NEMP2: variants seen among roughly 807,000 people sequenced by gnomAD.
NEMP2 encodes UPF0571 transmembrane protein.
In NEMP2, 53 loss-of-function variants were observed where a neutral mutation model predicts 54.2. The ratio of observed to expected loss-of-function variants is 0.98; its 90% CI spans 0.78 to 1.23. The LOEUF is 1.23. NEMP2 is among the 50% of genes most tolerant of loss of function. The pLI, the probability that NEMP2 is intolerant of heterozygous loss-of-function variation, is 0.00. For synonymous variants in NEMP2, 197 were observed against 190.3 expected, an observed-to-expected ratio of 1.04 and a Z score of -0.29; for missense variants, 455 against 511.3, an observed-to-expected ratio of 0.89 and a Z score of 1.06.
At chr2:190,473,584 G>T in the NEMP2 span, among the ~76,000 whole-genome samples, 1 of 152,154 alleles carries the variant, frequency 6.6e-6, no homozygotes, top group Non-Finnish European at 1.5e-5. Context: ...AGTCCTTAGA[G>T]ACCTACAAAG....
At chr2:190,553,344 TCCA>T in the NEMP2 span, 1 of 152,192 alleles carries the variant, frequency 6.6e-6, no homozygotes, top group Non-Finnish European at 1.5e-5. Flanking sequence ...TGTTCACTTT[TCCA>T]CCAAGGGCTC....
chr2:190,572,902 A>C, the NEMP2 span, among the ~76,000 whole-genome samples: 1 of 119,638 alleles, frequency 8.4e-6, no homozygotes, highest in African/African-American at 3.1e-5. Flanking sequence ...TTTGGGAATA[A>C]TTCCCTTAGG....
At chr2:190,605,510 G>T in the NEMP2 span, among the ~76,000 whole-genome samples, 1 of 152,012 alleles carries the variant, frequency 6.6e-6, no homozygotes, top group Non-Finnish European at 1.5e-5. Context: ...GAGTAGCTGG[G>T]ACTACAGGCC....
the NEMP2 span, among the ~76,000 whole-genome samples, chr2:190,596,434 T>TA: frequency 6.6e-6 from 1 of 152,174 alleles, no homozygotes; most frequent in African/African-American, 2.4e-5. The surrounding 1 kb of genome is among the most constrained non-coding windows in gnomAD (Gnocchi z 5.1). Flanking sequence ...CACCACCACT[T>TA]ACATATTTTA....
At chr2:190,627,769 T>C in the NEMP2 span, 1 of 152,262 alleles carries the variant, frequency 6.6e-6, no homozygotes, top group Non-Finnish European at 1.5e-5. This position sits in a 1 kb window ranked among gnomAD's most constrained non-coding sequence, Gnocchi z 4.4. Flanking sequence ...GAATTTCTTA[T>C]AGAATGCATA....
chr2:190,609,860 C>T, the NEMP2 span: 10 of 152,202 alleles, frequency 6.6e-5, no homozygotes, highest in Admixed American at 5.9e-4. The surrounding 1 kb of genome is among the most constrained non-coding windows in gnomAD (Gnocchi z 4.7). Context: ...TTTGTTCCCT[C>T]TATTGGCTCT....
the NEMP2 span, among the ~76,000 whole-genome samples, chr2:190,566,404 A>G: frequency 6.6e-6 from 1 of 152,030 alleles, no homozygotes; most frequent in Non-Finnish European, 1.5e-5. Context: ...GGATCACTTG[A>G]GCCCAGGAGT....
the NEMP2 span, chr2:190,490,018 A>G: frequency 3.3e-6 from 2 of 602,928 alleles, no homozygotes; most frequent in Non-Finnish European, 2.8e-6. The surrounding 1 kb of genome is among the most constrained non-coding windows in gnomAD (Gnocchi z 4.5). Context: ...CATGTGGACT[A>G]TTGTTAAAGA....
rs1381035396 is a variant in NEMP2 at position 190,528,402 on chromosome 2, T to C, written c.98-3024A>G. On this transcript the variant is annotated intron_variant, in intron 1 of 8. Coordinates refer to ENST00000409150, the MANE Select transcript of NEMP2 (RefSeq NM_001142645.2). The surrounding 1 kb of genome is among the most constrained non-coding windows in gnomAD (Gnocchi z 4.3). ...TGCACAGCCTCCTCGGGGGGGTCTC[T>C]AAGCATGGCTAGAGTTAATAACTTT... Among the ~76,000 whole-genome samples, 1 of 152,100 alleles carries C rather than the reference T, an allele frequency of 6.6e-6. No homozygotes were observed. The highest frequency in any genetic ancestry group is 1.5e-5 in the Non-Finnish European group (1 of 68,018).
the NEMP2 span, among the ~76,000 whole-genome samples, chr2:190,643,278 G>A: frequency 6.6e-6 from 1 of 152,192 alleles, no homozygotes; most frequent in Non-Finnish European, 1.5e-5. Context: ...CCAAAGAGAA[G>A]TGGAATGGGA....
the NEMP2 span, among the ~76,000 whole-genome samples, chr2:190,472,137 G>C: frequency 6.6e-6 from 1 of 152,026 alleles, no homozygotes; most frequent in African/African-American, 2.4e-5. Context: ...ACAAAGATGG[G>C]GAAAAAACAG....
chr2:190,509,002 G>T lies in NEMP2; in HGVS notation c.*187C>A. On this transcript the variant is annotated 3_prime_UTR_variant, in exon 9 of 9. Coordinates refer to ENST00000409150, the MANE Select transcript of NEMP2 (RefSeq NM_001142645.2). The surrounding 1 kb of genome is among the most constrained non-coding windows in gnomAD (Gnocchi z 6.1). Reference sequence around the variant, plus strand: ...GTATCCACCTACAGTACAATAAGTAGCAGAAGTCACCAAGAATGCTAAGTT... The same window carrying T: ...GTATCCACCTACAGTACAATAAGTATCAGAAGTCACCAAGAATGCTAAGTT... 3 of 823,598 alleles carry T rather than the reference G, an allele frequency of 3.6e-6. No individual in the cohort carries two copies. Among genetic ancestry groups the T allele is most frequent in the Non-Finnish European group, 5.5e-6 (3 of 547,460 alleles). 51.0% of individuals were successfully genotyped at this position (823,598 alleles called of 1,614,324 possible). A position where few individuals can be genotyped will look rare whatever the true frequency, so the allele number is the denominator to read the frequency against.
the NEMP2 span, among the ~76,000 whole-genome samples, chr2:190,471,870 C>CTGATAACTCAGA: frequency 6.6e-6 from 1 of 152,162 alleles, no homozygotes; most frequent in East Asian, 1.9e-4. This position sits in a 1 kb window ranked among gnomAD's most constrained non-coding sequence, Gnocchi z 4.7. Context: ...CTCATACGGC[C>CTGATAACTCAGA]GGGTACCCCT....
At position 190,519,271 on chromosome 2, in the gene NEMP2, G is replaced by T; in HGVS notation, c.214-88C>A. The stretch of plus-strand genomic sequence containing the variant: ...GGGTCTCCCTCTGTTGCCCAGAATG[G>T]AGTGCAGTGGCAGGATCTCTGCTCA... On this transcript the variant is annotated intron_variant, in intron 2 of 8. Transcript: ENST00000409150. The surrounding 1 kb of genome is among the most constrained non-coding windows in gnomAD (Gnocchi z 5.4). 1 of 914,420 alleles carries T rather than the reference G, an allele frequency of 1.1e-6. No individual in the cohort carries two copies. Among genetic ancestry groups the T allele is most frequent in the Non-Finnish European group, 1.7e-6 (1 of 604,800 alleles). 56.6% of individuals were successfully genotyped at this position (914,420 alleles called of 1,614,324 possible).
chr2:190,509,183 C>G lies in NEMP2; in HGVS notation c.*6G>C, dbSNP rs375753412. The G allele has an allele frequency of 1.3e-6, 2 of 1,551,536 alleles. No homozygotes were observed. Among genetic ancestry groups the G allele is most frequent in the Admixed American group, 3.9e-5 (2 of 50,982 alleles). ...TCCAGAATGAAGTCAACTTGAAGGT[C>G]GCATGTCAGGCAGTACTCGGGTTAA... is the stretch of plus-strand genomic sequence containing the variant. On this transcript the variant is annotated 3_prime_UTR_variant, in exon 9 of 9. Transcript: ENST00000409150. This position sits in a 1 kb window ranked among gnomAD's most constrained non-coding sequence, Gnocchi z 6.1.
the NEMP2 span, among the ~76,000 whole-genome samples, chr2:190,558,448 T>C: frequency 6.6e-6 from 1 of 152,336 alleles, no homozygotes; most frequent in African/African-American, 2.4e-5. The surrounding 1 kb of genome is among the most constrained non-coding windows in gnomAD (Gnocchi z 4.4). Flanking sequence ...TGTGCACATG[T>C]ACCCCAGAAC....
chr2:190,516,416 T>A, intron 5 of NEMP2, 32 bp from the exon 6 acceptor site: 1 of 1,491,880 alleles, frequency 6.7e-7, no homozygotes, highest in Non-Finnish European at 9.0e-7. Flanking sequence ...TGACACATTT[T>A]TTGGTTCATT....
At chr2:190,553,519 T>A in the NEMP2 span, 1 of 152,246 alleles carries the variant, frequency 6.6e-6, no homozygotes, top group Admixed American at 6.5e-5. Flanking sequence ...TTAAAGCCTG[T>A]AAGTGACAGG....
Position 190,521,207 on chromosome 2 carries a change from A to C in NEMP2, c.214-2024T>G, listed in dbSNP as rs1424758493. Reference sequence around the variant, plus strand: ...CACAACTTCTTCCTCAATACTCAACACCTTCTCCCCATCCTCTTCTCCACT... The same window carrying C: ...CACAACTTCTTCCTCAATACTCAACCCCTTCTCCCCATCCTCTTCTCCACT... On this transcript the variant is annotated intron_variant, in intron 2 of 8. Coordinates refer to ENST00000409150, the MANE Select transcript of NEMP2 (RefSeq NM_001142645.2). The surrounding 1 kb of genome is among the most constrained non-coding windows in gnomAD (Gnocchi z 6.2). 6.6e-6 allele frequency among the ~76,000 whole-genome samples: 1 copy of C among 152,014 alleles called. No homozygotes were observed. The highest frequency in any genetic ancestry group is 1.5e-5 in the Non-Finnish European group (1 of 67,992).
Sources: allele counts gnomAD v4.1 joint callset (sites outside exome capture counted in the v4.1 genomes callset), GRCh38; gene constraint gnomAD v4.1.1; non-coding constraint Gnocchi (gnomAD v3.1); transcripts MANE v1.5; gene names NCBI Gene and HGNC (gene_info 2026-07-23, HGNC 2026-07-21).